CAMTA1: variants seen among roughly 807,000 people sequenced by gnomAD.
The protein encoded by CAMTA1 is calmodulin binding transcription activator 1.
In CAMTA1, 27 loss-of-function variants were observed where a neutral mutation model predicts 170.9. The ratio of observed to expected loss-of-function variants is 0.16; its 90% CI spans 0.12 to 0.22. The LOEUF (loss-of-function observed/expected upper bound fraction) is 0.22, where lower values mean the gene tolerates loss of function less well. Among genes scored for constraint, CAMTA1 ranks in the 10% least tolerant of loss-of-function variants. The probability of loss-of-function intolerance (pLI) is 1.00; values close to 1 mark genes in which losing one functional copy is unlikely to be tolerated. For missense variants in CAMTA1, 1,619 were observed against 2,217.2 expected (o/e 0.73, Z 5.42); for synonymous variants, 833 against 891.5 (o/e 0.93, Z 1.17).
intron 5 of CAMTA1, among the ~76,000 whole-genome samples, chr1:7,261,889 A>G (rs946916655): frequency 6.6e-6 from 1 of 152,216 alleles, no homozygotes; most frequent in Non-Finnish European, 1.5e-5. Context: ...GAGGTTAAAT[A>G]CTGTAATCTT....
intron 6 of CAMTA1, among the ~76,000 whole-genome samples, chr1:7,522,491 T>C (rs981117879): frequency 6.6e-6 from 1 of 152,256 alleles, no homozygotes; most frequent in Non-Finnish European, 1.5e-5. Context: ...CAAAAGTTTT[T>C]AATGTTGATG....
chr1:6,918,648 C>T lies in CAMTA1; in HGVS notation c.234+93438C>T, dbSNP rs1021843260. On this transcript the variant is annotated intron_variant, in intron 3 of 22. Transcript: ENST00000303635. The surrounding 1 kb of genome is among the most constrained non-coding windows in gnomAD (Gnocchi z 4.0). Reference sequence around the variant, plus strand: ...AACTCAGAACTTCCCCCGTGGGCCTCAGGCCCAGGATCGCTGCACATCTCT... The same window carrying T: ...AACTCAGAACTTCCCCCGTGGGCCTTAGGCCCAGGATCGCTGCACATCTCT... Among the ~76,000 whole-genome samples the T allele has an allele frequency of 1.3e-5, 2 of 152,262 alleles. No homozygotes were observed. The highest frequency in any genetic ancestry group is 2.9e-5 in the Non-Finnish European group (2 of 68,052).
At position 6,970,478 on chromosome 1, in the gene CAMTA1, G is replaced by A. The variant is rs578106891; in HGVS notation, c.235-120826G>A. 2.6e-5 allele frequency among the ~76,000 whole-genome samples: 4 copies of A among 152,208 alleles called. No homozygotes were observed. The highest frequency in any genetic ancestry group is 9.6e-5 in the African/African-American group (4 of 41,536). On this transcript the variant is annotated intron_variant, in intron 3 of 22. Coordinates refer to ENST00000303635, the MANE Select transcript of CAMTA1 (RefSeq NM_015215.4). This position sits in a 1 kb window ranked among gnomAD's most constrained non-coding sequence, Gnocchi z 4.4. ...CAGCATCGGTGAGGAGGTAATGGGGGTTCTTGCCAGGCCAGGGACTCTCGG... is the reference window on the plus strand; with the variant it reads ...CAGCATCGGTGAGGAGGTAATGGGGATTCTTGCCAGGCCAGGGACTCTCGG...
chr1:6,942,043 C>G (rs1030627391), intron 3 of CAMTA1, among the ~76,000 whole-genome samples: 5 of 151,848 alleles, frequency 3.3e-5, no homozygotes, highest in Non-Finnish European at 7.4e-5. Context: ...CAAGGCTGCC[C>G]CTGTCTATGC....
chr1:7,495,237 G>C (rs1368485902), intron 6 of CAMTA1, among the ~76,000 whole-genome samples: 1 of 152,176 alleles, frequency 6.6e-6, no homozygotes, highest in South Asian at 2.1e-4. Context: ...GTTTCGGGGG[G>C]TAAACTACAA....
At chr1:7,282,570 C>T (rs899072932) in intron 5 of CAMTA1, among the ~76,000 whole-genome samples, 2 of 152,156 alleles carry the variant, frequency 1.3e-5, no homozygotes, top group African/African-American at 4.8e-5. Flanking sequence ...TTCTAGGCTT[C>T]CTTGACCTAG....
chr1:7,050,363 C>T lies in CAMTA1; in HGVS notation c.235-40941C>T, dbSNP rs1008024074. On this transcript the variant is annotated intron_variant, in intron 3 of 22. Coordinates refer to ENST00000303635, the MANE Select transcript of CAMTA1 (RefSeq NM_015215.4). The surrounding 1 kb of genome is among the most constrained non-coding windows in gnomAD (Gnocchi z 4.8). ...CTCCAGAGACGGCATCTGTCTGCTC[C>T]GGGGCCAGGGCGGAGAAGCCTGAAG... is the stretch of plus-strand genomic sequence containing the variant. 2.6e-4 allele frequency among the ~76,000 whole-genome samples: 39 copies of T among 152,282 alleles called. No individual in the cohort carries two copies. The highest frequency in any genetic ancestry group is 5.5e-4 in the African/African-American group (23 of 41,558).
chr1:6,845,207 T>G lies in CAMTA1; in HGVS notation c.234+19997T>G, dbSNP rs563273846. ...CTATTACCTCTGCATAGCAATCACT[T>G]CTCTAGGTCTGCTGGCCAGCAGCTG... On this transcript the variant is annotated intron_variant, in intron 3 of 22. Coordinates refer to ENST00000303635, the MANE Select transcript of CAMTA1 (RefSeq NM_015215.4). Among the ~76,000 whole-genome samples, 4 of 152,200 alleles carry G rather than the reference T, an allele frequency of 2.6e-5. No homozygotes were observed. In the East Asian group the frequency reaches 5.8e-4, roughly 22 times the overall value.
intron 3 of CAMTA1, among the ~76,000 whole-genome samples, chr1:6,880,582 G>A (rs537227513): frequency 5.9e-5 from 9 of 152,124 alleles, no homozygotes; most frequent in South Asian, 4.1e-4. Context: ...TAGAGACAGG[G>A]TTTCACTGTA....
At chr1:7,188,805 A>G (rs1447996790) in intron 4 of CAMTA1, among the ~76,000 whole-genome samples, 1 of 152,146 alleles carries the variant, frequency 6.6e-6, no homozygotes, top group African/African-American at 2.4e-5. Context: ...CTCTGATTTA[A>G]TTTCTTTGGG....
At chr1:6,838,483 A>C (rs1180410272) in intron 3 of CAMTA1, among the ~76,000 whole-genome samples, 1 of 152,194 alleles carries the variant, frequency 6.6e-6, no homozygotes, top group African/African-American at 2.4e-5. Flanking sequence ...AAGGCAATTT[A>C]TACAGCACAT....
At chr1:7,321,951 G>A (rs531698851) in intron 5 of CAMTA1, among the ~76,000 whole-genome samples, 1 of 152,302 alleles carries the variant, frequency 6.6e-6, no homozygotes, top group South Asian at 2.1e-4. Context: ...CTTGAGTCGA[G>A]GCACCAGTTA....
chr1:7,559,525 C>G (rs887400951), intron 6 of CAMTA1, among the ~76,000 whole-genome samples: 2 of 152,206 alleles, frequency 1.3e-5, no homozygotes, highest in Non-Finnish European at 2.9e-5. Context: ...AAGCGGGGAG[C>G]CTGCCTGCCG....
rs1449777454 is a variant in CAMTA1, at chr1:7,017,586, T to C, written c.235-73718T>C. ...AACACTGTCTGATGTCTTTCTAGTC[T>C]TTAAATGAGGAGTGGAGAGGTAAGG... On this transcript the variant is annotated intron_variant, in intron 3 of 22. Coordinates refer to ENST00000303635, the MANE Select transcript of CAMTA1 (RefSeq NM_015215.4). Among the ~76,000 whole-genome samples, 11 of 152,346 alleles carry C rather than the reference T, an allele frequency of 7.2e-5. No homozygotes were observed. In the East Asian group the frequency reaches 1.9e-3, roughly 27 times the overall value.
intron 3 of CAMTA1, among the ~76,000 whole-genome samples, chr1:7,029,358 TG>T (rs1451177324): frequency 6.6e-6 from 1 of 151,672 alleles, no homozygotes; most frequent in South Asian, 2.1e-4. Flanking sequence ...AAAAATTAGC[TG>T]GGCGTGGTGG....
At chr1:6,968,999 G>A (rs1297375738) in intron 3 of CAMTA1, among the ~76,000 whole-genome samples, 1 of 152,118 alleles carries the variant, frequency 6.6e-6, no homozygotes, top group Non-Finnish European at 1.5e-5. Flanking sequence ...CAAGTTGAGG[G>A]ACATTTAAAG....
At chr1:7,231,442 G>A (rs973570000) in intron 4 of CAMTA1, among the ~76,000 whole-genome samples, 2 of 151,576 alleles carry the variant, frequency 1.3e-5, no homozygotes, top group East Asian at 1.9e-4. Context: ...ATCTCGTCTC[G>A]GCTCACTGCA....
At chr1:7,391,061 G>A (rs1233919288) in intron 5 of CAMTA1, among the ~76,000 whole-genome samples, 2 of 151,916 alleles carry the variant, frequency 1.3e-5, no homozygotes, top group African/African-American at 2.4e-5. Context: ...GCAGTGACGC[G>A]ATCTCGGCTC....
chr1:7,335,150 G>GTGTGTGTGTGTGTGTGTGTGTGTGTA (rs1557537456), intron 5 of CAMTA1, among the ~76,000 whole-genome samples: 1 of 121,110 alleles, frequency 8.3e-6, no homozygotes, highest in Non-Finnish European at 1.9e-5. Context: ...GGGGGGGGGG[G>GTGTGTGTGTGTGTGTGTGTGTGTGTA]GGGGGGGTGG....
Sources: allele counts gnomAD v4.1 joint callset (sites outside exome capture counted in the v4.1 genomes callset), GRCh38; gene constraint gnomAD v4.1.1; non-coding constraint Gnocchi (gnomAD v3.1); transcripts MANE v1.5; gene names NCBI Gene and HGNC (gene_info 2026-07-23, HGNC 2026-07-21).